Variants in STOX2 observed in about 807,000 individuals in gnomAD.
The protein encoded by STOX2 is storkhead-box protein 2.
Under a neutral mutation model 60.9 loss-of-function variants are expected in STOX2, and 28 were observed. The observed-to-expected ratio is 0.46, with a 90% CI of 0.34 to 0.63. The LOEUF is 0.63. Among genes scored for constraint, STOX2 ranks in the 30% least tolerant of loss-of-function variants. The pLI, the probability that STOX2 is intolerant of heterozygous loss-of-function variation, is 0.01. For missense variants in STOX2, 1,024 were observed against 1,187.7 expected, an observed-to-expected ratio of 0.86 and a Z score of 2.03; for synonymous variants, 472 against 463.9, an observed-to-expected ratio of 1.02 and a Z score of -0.22.
intron 1 of STOX2, among the ~76,000 whole-genome samples, chr4:183,923,727 G>T (rs1249509403): frequency 1.3e-5 from 2 of 152,150 alleles, no homozygotes; most frequent in Admixed American, 1.3e-4. Flanking sequence ...TGCTTAAAAT[G>T]TAGTGAAGAG....
intron 1 of STOX2, among the ~76,000 whole-genome samples, chr4:183,800,776 A>G (rs1738743871): frequency 6.6e-6 from 1 of 152,230 alleles, no homozygotes; most frequent in Admixed American, 6.5e-5. Context: ...AGATCCCACC[A>G]TAGAGAGTGG....
chr4:183,887,818 A>G (rs1374654481), intron 1 of STOX2, among the ~76,000 whole-genome samples: 1 of 152,218 alleles, frequency 6.6e-6, no homozygotes, highest in Non-Finnish European at 1.5e-5. Context: ...ATCATACCTC[A>G]CTGTAGCCTT....
chr4:183,969,824 A>G (rs1158334561), intron 1 of STOX2, among the ~76,000 whole-genome samples: 1 of 152,006 alleles, frequency 6.6e-6, no homozygotes, highest in Non-Finnish European at 1.5e-5. Context: ...ATCTCACTAT[A>G]TTGCTCAGGC....
intron 1 of STOX2, among the ~76,000 whole-genome samples, chr4:183,934,906 C>A (rs1040397750): frequency 6.6e-6 from 1 of 152,224 alleles, no homozygotes; most frequent in African/African-American, 2.4e-5. Context: ...GGGGGTATCG[C>A]TATGAACGCA....
chr4:183,888,736 C>T (rs1267775836), intron 1 of STOX2, among the ~76,000 whole-genome samples: 7 of 152,208 alleles, frequency 4.6e-5, no homozygotes, highest in African/African-American at 1.7e-4. Context: ...AGGAATGAGA[C>T]AGACTCTTGC....
intron 1 of STOX2, among the ~76,000 whole-genome samples, chr4:183,833,598 G>A (rs1227734905): frequency 6.6e-6 from 1 of 151,390 alleles, no homozygotes; most frequent in Non-Finnish European, 1.5e-5. Flanking sequence ...GATCGGGGCT[G>A]ATGAAAATGA....
At chr4:183,929,884 G>A (rs11722327) in intron 1 of STOX2, among the ~76,000 whole-genome samples, 110,008 of 145,280 alleles carry the variant, frequency 0.76, 46,105 homozygotes, top group East Asian at 0.94. Flanking sequence ...TCTTCTTTGA[G>A]ACGGAGTCTC....
intron 1 of STOX2, among the ~76,000 whole-genome samples, chr4:183,929,662 A>G (rs1742352914): frequency 6.6e-6 from 1 of 152,178 alleles, no homozygotes; most frequent in African/African-American, 2.4e-5. Context: ...CATAACTCTC[A>G]CTTCGCGCTG....
At chr4:183,898,626 G>A (rs1382183565) in intron 1 of STOX2, among the ~76,000 whole-genome samples, 2 of 152,204 alleles carry the variant, frequency 1.3e-5, no homozygotes, top group African/African-American at 2.4e-5. Context: ...GCCAAGAAGG[G>A]CGATTGGGTG....
At chr4:184,007,035 A>AG (rs1560937388) in intron 2 of STOX2, among the ~76,000 whole-genome samples, 1,854 of 125,412 alleles carry the variant, frequency 0.015, 150 homozygotes, top group African/African-American at 0.056. Context: ...AAAAAAAACA[A>AG]AACAAAAAAA....
chr4:183,906,847 G>A lies in STOX2; in HGVS notation c.57G>A (p.Ser19=). Residue 19 remains serine (S), a synonymous_variant, in exon 1 of 4, where the codon TCG becomes TCA. Transcript: ENST00000308497. Reference sequence around the variant, plus strand: ...GAGCCTGGCCTAGCTCGGATTTCTCGGACCGGGCCTCGGACCGCATGAGGT... The same window carrying A: ...GAGCCTGGCCTAGCTCGGATTTCTCAGACCGGGCCTCGGACCGCATGAGGT... ...LRRAWPSSDF[S]DRASDRMRSR... is the part of the protein sequence containing the mutation. 10 of 1,554,198 alleles carry A rather than the reference G, an allele frequency of 6.4e-6. No individual in the cohort carries two copies. Among genetic ancestry groups the A allele is most frequent in the Non-Finnish European group, 8.7e-6 (10 of 1,148,694 alleles).
rs1477085783 is a variant in STOX2, at chr4:183,975,514, A to G, written c.167-25811A>G. Among the ~76,000 whole-genome samples the G allele has an allele frequency of 5.9e-5, 9 of 152,188 alleles. No individual in the cohort carries two copies. The East Asian group carries it at 1.7e-3, about 29-fold the overall frequency. ...GGGCATATCACTATAGTCCCCACAA[A>G]AATATAATAAGCAAACACCATCAAG... On this transcript the variant is annotated intron_variant, in intron 1 of 3. Coordinates refer to ENST00000308497, the MANE Select transcript of STOX2 (RefSeq NM_020225.3).
intron 1 of STOX2, among the ~76,000 whole-genome samples, chr4:183,946,744 C>T (rs536056701): frequency 7.9e-5 from 12 of 151,802 alleles, no homozygotes; most frequent in African/African-American, 2.9e-4. Flanking sequence ...TCCTGCTTCA[C>T]CCTCCTGAGT....
chr4:183,830,972 G>T (rs1417413537), intron 1 of STOX2, among the ~76,000 whole-genome samples: 1 of 150,332 alleles, frequency 6.7e-6, no homozygotes, highest in Non-Finnish European at 1.5e-5. Context: ...AGGCTTTGGT[G>T]TTTAGATCCT....
chr4:183,935,302 C>A (rs993559346), intron 1 of STOX2, among the ~76,000 whole-genome samples: 2 of 152,184 alleles, frequency 1.3e-5, no homozygotes, highest in African/African-American at 4.8e-5. Flanking sequence ...CTCAAACATA[C>A]CTAAAAGCTC....
chr4:184,012,802 T>C (rs1418195462), intron 3 of STOX2, among the ~76,000 whole-genome samples: 1 of 152,244 alleles, frequency 6.6e-6, no homozygotes, highest in Non-Finnish European at 1.5e-5. Context: ...GTCTACTAAG[T>C]GGCTTTTCTA....
intron 1 of STOX2, among the ~76,000 whole-genome samples, chr4:183,883,033 A>G (rs1368479864): frequency 6.6e-6 from 1 of 152,126 alleles, no homozygotes; most frequent in Non-Finnish European, 1.5e-5. Context: ...TATCACGTAC[A>G]ATTTCTAAAA....
intron 1 of STOX2, among the ~76,000 whole-genome samples, chr4:183,864,052 T>C (rs73012654): frequency 0.02 from 3,052 of 152,298 alleles, 100 homozygotes; most frequent in African/African-American, 0.07. Context: ...CTTTAAAGTA[T>C]GTGAATGTTA....
chr4:183,983,160 C>G (rs1287653161), intron 1 of STOX2, among the ~76,000 whole-genome samples: 1 of 152,196 alleles, frequency 6.6e-6, no homozygotes, highest in Non-Finnish European at 1.5e-5. Context: ...AAGACACTCT[C>G]ATCTTGCCTC....
Sources: allele counts gnomAD v4.1 joint callset (sites outside exome capture counted in the v4.1 genomes callset), GRCh38; gene constraint gnomAD v4.1.1; transcripts MANE v1.5; gene names NCBI Gene and HGNC (gene_info 2026-07-23, HGNC 2026-07-21).